The following DGKH variants were observed in gnomAD, a reference collection of about 807,000 sequenced individuals.
DGKH encodes DAG kinase eta.
A neutral mutation model predicts 159.3 loss-of-function variants in DGKH; 90 were observed. The observed-to-expected ratio is 0.57, with a 90% CI of 0.48 to 0.67. The LOEUF is 0.67. DGKH is among the 30% of genes least tolerant of loss of function. DGKH has a pLI of 0.00. For synonymous variants in DGKH, 536 were observed against 553.8 expected (o/e 0.97, Z 0.45); for missense variants, 1,181 against 1,506.1 (o/e 0.78, Z 3.57).
At chr13:42,108,782 T>C (rs762890274) in intron 1 of DGKH, among the ~76,000 whole-genome samples, 5 of 152,180 alleles carry the variant, frequency 3.3e-5, no homozygotes, top group African/African-American at 1.2e-4. Context: ...TAGGCTGTAA[T>C]TGGAAATAGC....
chr13:42,248,360 T>C (rs1958596207), intron 29 of DGKH, among the ~76,000 whole-genome samples: 2 of 151,572 alleles, frequency 1.3e-5, no homozygotes, highest in Non-Finnish European at 1.5e-5. Flanking sequence ...AGGCAGAGGT[T>C]GCTTGCAGTG....
At chr13:42,207,062 C>CTTCTTTCTTTCTTTCTTTCT (rs760771890) in intron 21 of DGKH, among the ~76,000 whole-genome samples, 9 of 65,378 alleles carry the variant, frequency 1.4e-4, no homozygotes, top group East Asian at 8.4e-4. Context: ...TCTTTCCTTC[C>CTTCTTTCTTTCTTTCTTTCT]TTCTTTCTTT....
chr13:42,160,531 A>G (rs911937194), intron 7 of DGKH, among the ~76,000 whole-genome samples: 4 of 152,210 alleles, frequency 2.6e-5, no homozygotes, highest in Admixed American at 6.5e-5. Flanking sequence ...GCTCTCTGAC[A>G]GAGGTGAACA....
chr13:42,040,074 C>G (rs928050955), exon 1 of DGKH: 1 of 152,392 alleles, frequency 6.6e-6, no homozygotes, highest in Admixed American at 6.5e-5. Context: ...CCCGGCGCAG[C>G]TTGCCCTGGA....
intron 30 of DGKH, chr13:42,256,073 T>A: frequency 7.8e-7 from 1 of 1,289,378 alleles, no homozygotes; most frequent in Non-Finnish European, 1.1e-6. Context: ...AGAACTGATC[T>A]TGCCTGAAAA....
At chr13:42,179,663 C>G (rs983679069) in intron 13 of DGKH, among the ~76,000 whole-genome samples, 2 of 151,622 alleles carry the variant, frequency 1.3e-5, no homozygotes, top group African/African-American at 4.9e-5. Flanking sequence ...GCCTGTAGTC[C>G]CAGCTTCTCA....
At chr13:42,091,527 A>C (rs1297604279) in intron 1 of DGKH, among the ~76,000 whole-genome samples, 1 of 152,226 alleles carries the variant, frequency 6.6e-6, no homozygotes, top group Non-Finnish European at 1.5e-5. Context: ...CTTCAAAGAT[A>C]TACAAATCAT....
intron 23 of DGKH, among the ~76,000 whole-genome samples, chr13:42,210,389 TTTTTAAC>T (rs1223663168): frequency 6.6e-6 from 1 of 152,162 alleles, no homozygotes; most frequent in Non-Finnish European, 1.5e-5. Flanking sequence ...CTAAATCTCT[TTTTTAAC>T]TTTTAAATGA....
chr13:42,185,676 A>G (rs972135234), intron 13 of DGKH, among the ~76,000 whole-genome samples: 5 of 152,210 alleles, frequency 3.3e-5, no homozygotes, highest in African/African-American at 1.2e-4. Context: ...AACTTTCAGT[A>G]AAATGCCTAG....
chr13:42,152,799 C>T (rs1955942890), intron 3 of DGKH, among the ~76,000 whole-genome samples: 2 of 151,976 alleles, frequency 1.3e-5, no homozygotes, highest in South Asian at 4.2e-4. Context: ...GACTCCTCCG[C>T]GGGACCTGTG....
chr13:42,087,182 A>G (rs539299252), intron 1 of DGKH, among the ~76,000 whole-genome samples: 3 of 152,234 alleles, frequency 2.0e-5, no homozygotes, highest in South Asian at 2.1e-4. Context: ...CATAATACAC[A>G]GAGATCCTGT....
At chr13:42,199,771 A>C (rs1483607376) in intron 19 of DGKH, 42 bp from the exon 20 acceptor site, 1 of 1,581,670 alleles carries the variant, frequency 6.3e-7, no homozygotes, top group East Asian at 2.2e-5. Flanking sequence ...AGGAGTAAAT[A>C]AATAAAATTT....
At chr13:42,218,752 G>A (rs1028162270) in intron 26 of DGKH, among the ~76,000 whole-genome samples, 1 of 151,916 alleles carries the variant, frequency 6.6e-6, no homozygotes. Context: ...CAAATGATCC[G>A]CCCACATTGG....
chr13:42,078,327 G>A (rs892202252), intron 1 of DGKH, among the ~76,000 whole-genome samples: 4 of 152,150 alleles, frequency 2.6e-5, no homozygotes, highest in African/African-American at 7.2e-5. Flanking sequence ...TCAGGAGGCC[G>A]CTCCTATTAC....
At chr13:42,070,589 T>G (rs1882897889) in intron 1 of DGKH, 1 of 1,595,732 alleles carries the variant, frequency 6.3e-7, no homozygotes, top group South Asian at 1.1e-5. Context: ...AAGTCGCCTA[T>G]CTTCAGCACC....
intron 1 of DGKH, among the ~76,000 whole-genome samples, chr13:42,057,540 G>A (rs942572931): frequency 3.3e-5 from 5 of 152,118 alleles, no homozygotes; most frequent in African/African-American, 7.2e-5. Context: ...ATGAACACCC[G>A]TGAATCCAGC....
intron 1 of DGKH, among the ~76,000 whole-genome samples, chr13:42,040,280 G>A (rs1432268426): frequency 1.3e-5 from 2 of 152,182 alleles, no homozygotes; most frequent in African/African-American, 4.8e-5. Flanking sequence ...CGTCTCCCGG[G>A]ACCCGCGTCT....
At chr13:42,180,896 A>G (rs1956734574) in intron 13 of DGKH, among the ~76,000 whole-genome samples, 1 of 152,194 alleles carries the variant, frequency 6.6e-6, no homozygotes, top group Non-Finnish European at 1.5e-5. Flanking sequence ...CTCACAAACA[A>G]TAAAATCACA....
chr13:42,080,935 G>C (rs922182343), intron 1 of DGKH, among the ~76,000 whole-genome samples: 2 of 152,048 alleles, frequency 1.3e-5, no homozygotes, highest in Non-Finnish European at 2.9e-5. Flanking sequence ...TACAGGCGAG[G>C]AAACTAAGAA....
Sources: gnomAD v4.1 joint callset for allele counts (sites outside exome capture counted in the v4.1 genomes callset) on GRCh38, gnomAD v4.1.1 for gene constraint, MANE v1.5 for transcripts, NCBI Gene and HGNC (gene_info 2026-07-23, HGNC 2026-07-21) for gene names.